The following ZNF804B variants were observed in gnomAD, a reference collection of about 807,000 sequenced individuals.
The protein encoded by ZNF804B is zinc finger protein 804B.
Under a neutral mutation model 101.4 loss-of-function variants are expected in ZNF804B, and 80 were observed. The observed-to-expected ratio is 0.79, with a 90% CI of 0.66 to 0.95. The LOEUF (loss-of-function observed/expected upper bound fraction) is 0.95, where lower values mean the gene tolerates loss of function less well. ZNF804B is among the 40% of genes least tolerant of loss of function. ZNF804B has a pLI of 0.00. For synonymous variants in ZNF804B, 622 were observed against 558.8 expected, an observed-to-expected ratio of 1.11 and a Z score of -1.59; for missense variants, 1,673 against 1,561.9, an observed-to-expected ratio of 1.07 and a Z score of -1.20.
intron 2 of ZNF804B, among the ~76,000 whole-genome samples, chr7:89,233,513 G>C (rs781473989): frequency 6.6e-6 from 1 of 152,116 alleles, no homozygotes; most frequent in East Asian, 1.9e-4. Flanking sequence ...TTTTAAAGGT[G>C]TACTTACATG....
chr7:89,142,302 C>A (rs764452570), intron 1 of ZNF804B, among the ~76,000 whole-genome samples: 44 of 146,234 alleles, frequency 3.0e-4, no homozygotes, highest in Non-Finnish European at 6.1e-4. Context: ...TTTTATTTTT[C>A]TTTTGTTGTT....
intron 2 of ZNF804B, among the ~76,000 whole-genome samples, chr7:89,260,756 T>C (rs1322109375): frequency 6.6e-6 from 1 of 152,208 alleles, no homozygotes; most frequent in African/African-American, 2.4e-5. Flanking sequence ...AATTTCTTAT[T>C]CTGTCTTTAC....
chr7:88,775,541 G>T (rs560486627), intron 1 of ZNF804B, among the ~76,000 whole-genome samples: 1 of 152,278 alleles, frequency 6.6e-6, no homozygotes, highest in African/African-American at 2.4e-5. Context: ...AGGTAACCAT[G>T]ACTTTTTTGT....
At chr7:88,905,041 T>C (rs1119971) in intron 1 of ZNF804B, among the ~76,000 whole-genome samples, 67,079 of 152,034 alleles carry the variant, frequency 0.44, 16,423 homozygotes, top group African/African-American at 0.66. Context: ...TCAAGGGAAA[T>C]GTTTCCAACT....
At chr7:89,075,744 G>A (rs762987740) in intron 1 of ZNF804B, among the ~76,000 whole-genome samples, 6 of 152,178 alleles carry the variant, frequency 3.9e-5, no homozygotes, top group African/African-American at 1.2e-4. Flanking sequence ...TTTGTACCAT[G>A]TGCCTGGAAA....
At chr7:89,035,275 C>T (rs992702969) in intron 1 of ZNF804B, among the ~76,000 whole-genome samples, 1 of 152,032 alleles carries the variant, frequency 6.6e-6, no homozygotes, top group African/African-American at 2.4e-5. Context: ...AGGAAAATCA[C>T]AGGCAATTCA....
Position 89,334,704 on chromosome 7 carries a change from A to G in ZNF804B, c.1722A>G (p.Glu574=). ...SEYTFSANDL[E]MKNPKVPLYL... The stretch of plus-strand genomic sequence containing the variant: ...ATACTTTCAGTGCAAATGATTTGGA[A>G]ATGAAAAATCCTAAAGTGCCTCTTT... The change falls in exon 4 of 4, where the codon GAA becomes GAG. Residue 574 remains glutamate (E), a synonymous_variant. Transcript: ENST00000333190. 1 of 1,613,742 alleles carries G rather than the reference A, an allele frequency of 6.2e-7. No individual in the cohort carries two copies. The highest frequency in any genetic ancestry group is 8.5e-7 in the Non-Finnish European group (1 of 1,179,816).
chr7:88,892,664 C>T (rs1192553088), intron 1 of ZNF804B, among the ~76,000 whole-genome samples: 2 of 152,198 alleles, frequency 1.3e-5, no homozygotes, highest in Middle Eastern at 3.4e-3. Flanking sequence ...AAGTCCTAGC[C>T]ATTACTTTCT....
intron 2 of ZNF804B, among the ~76,000 whole-genome samples, chr7:89,269,590 G>T (rs1232693070): frequency 6.6e-6 from 1 of 152,118 alleles, no homozygotes; most frequent in Non-Finnish European, 1.5e-5. Flanking sequence ...GTAATGGGAT[G>T]GCTGGGTCAA....
At chr7:88,986,022 A>T (rs1169442723) in intron 1 of ZNF804B, among the ~76,000 whole-genome samples, 2 of 152,146 alleles carry the variant, frequency 1.3e-5, no homozygotes, top group East Asian at 3.9e-4. Context: ...GCAACTAATT[A>T]TTTCTCTGGA....
chr7:89,333,291 A>G lies in ZNF804B; in HGVS notation c.381-72A>G, dbSNP rs932640653. On this transcript the variant is annotated intron_variant, in intron 3 of 3. Transcript: ENST00000333190. ...TAAAATAACTCATCTTAGAAACACT[A>G]TGAAATGTTCATATGTAGATATGAT... 7 of 1,359,114 alleles carry G rather than the reference A, an allele frequency of 5.2e-6. No individual in the cohort carries two copies. The African/African-American group carries it at 7.4e-5, about 14-fold the overall frequency. 84.2% of individuals were successfully genotyped at this position (1,359,114 alleles called of 1,614,324 possible).
chr7:89,312,339 C>T (rs1790659354), intron 2 of ZNF804B, among the ~76,000 whole-genome samples: 1 of 152,172 alleles, frequency 6.6e-6, no homozygotes, highest in Non-Finnish European at 1.5e-5. Flanking sequence ...TGTCCAAGCA[C>T]AAATGGCTGA....
intron 1 of ZNF804B, among the ~76,000 whole-genome samples, chr7:89,035,480 A>ATG (rs71120053): frequency 5.3e-5 from 8 of 151,510 alleles, no homozygotes; most frequent in Middle Eastern, 6.8e-3. Flanking sequence ...ATAGGAAATT[A>ATG]TGTGTGTGTG....
chr7:89,288,933 TAG>T (rs1267187918), intron 2 of ZNF804B, among the ~76,000 whole-genome samples: 2 of 152,142 alleles, frequency 1.3e-5, no homozygotes, highest in African/African-American at 2.4e-5. Flanking sequence ...TGAGAAGAAA[TAG>T]AGTTTCATTA....
At chr7:89,278,844 G>C (rs1195279911) in intron 2 of ZNF804B, among the ~76,000 whole-genome samples, 2 of 151,698 alleles carry the variant, frequency 1.3e-5, no homozygotes, top group Non-Finnish European at 2.9e-5. Flanking sequence ...GCTCTTTTTT[G>C]GTTCCATATG....
chr7:89,172,515 C>A, intron 1 of ZNF804B, among the ~76,000 whole-genome samples: 1 of 152,104 alleles, frequency 6.6e-6, no homozygotes, highest in East Asian at 1.9e-4. Flanking sequence ...TTTTCTTTTG[C>A]CTTGTCAAGT....
intron 1 of ZNF804B, among the ~76,000 whole-genome samples, chr7:88,905,138 T>A (rs1267148928): frequency 6.6e-6 from 1 of 152,170 alleles, no homozygotes; most frequent in Non-Finnish European, 1.5e-5. Flanking sequence ...ACCTAGCCTG[T>A]TAAGGGTTTT....
chr7:88,856,682 G>T (rs1791564825), intron 1 of ZNF804B, among the ~76,000 whole-genome samples: 3 of 152,038 alleles, frequency 2.0e-5, no homozygotes, highest in African/African-American at 7.2e-5. Context: ...CCTGTCTTGT[G>T]CCAGTTTTCA....
chr7:89,097,672 A>G (rs1345611204), intron 1 of ZNF804B, among the ~76,000 whole-genome samples: 2 of 152,240 alleles, frequency 1.3e-5, no homozygotes, highest in African/African-American at 2.4e-5. Flanking sequence ...GTGTATTTTG[A>G]AAGTGATGAA....
Sources: allele counts gnomAD v4.1 joint callset (sites outside exome capture counted in the v4.1 genomes callset), GRCh38; gene constraint gnomAD v4.1.1; transcripts MANE v1.5; gene names NCBI Gene and HGNC (gene_info 2026-07-23, HGNC 2026-07-21).